TBX18: variants seen among roughly 807,000 people sequenced by gnomAD.
The protein encoded by TBX18 is T-box transcription factor 18.
Under a neutral mutation model 55.0 loss-of-function variants are expected in TBX18, and 21 were observed. The observed-to-expected ratio is 0.38, with a 90% CI of 0.27 to 0.55. The LOEUF (loss-of-function observed/expected upper bound fraction) is 0.55. Among genes scored for constraint, TBX18 ranks in the 20% least tolerant of loss-of-function variants. TBX18 has a pLI of 0.73. For synonymous variants in TBX18, 342 were observed against 326.1 expected (o/e 1.05, Z -0.53); for missense variants, 840 against 799.6 (o/e 1.05, Z -0.61).
At position 84,742,539 on chromosome 6, in the gene TBX18, T is replaced by G. The variant is rs550534271; in HGVS notation, c.1004+1722A>C. The stretch of plus-strand genomic sequence containing the variant: ...CATCTCACTTCTTGTAGAGGTTTCT[T>G]CACTATTATCTGTTCAAAATACAAA... On this transcript the variant is annotated intron_variant, in intron 6 of 7. Coordinates refer to ENST00000369663, the MANE Select transcript of TBX18 (RefSeq NM_001080508.3). The G allele has an allele frequency of 2.0e-5, 3 of 152,284 alleles. No homozygotes were observed. The East Asian group carries it at 5.8e-4, about 29-fold the overall frequency. 9.4% of individuals were successfully genotyped at this position (152,284 alleles called of 1,614,324 possible). A position where few individuals can be genotyped will look rare whatever the true frequency, so the allele number is the denominator to read the frequency against.
intron 6 of TBX18, chr6:84,741,620 T>C (rs1767050785): frequency 1.3e-5 from 2 of 152,206 alleles, no homozygotes; most frequent in South Asian, 2.1e-4. Flanking sequence ...CACAAGTCTA[T>C]GTTTATTTCT....
chr6:84,763,958 A>G lies in TBX18; in HGVS notation c.224T>C (p.Leu75Pro), dbSNP rs1767738863. The G allele has an allele frequency of 6.3e-7, 1 of 1,579,196 alleles. No homozygotes were observed. Among genetic ancestry groups the G allele is most frequent in the East Asian group, 2.3e-5 (1 of 43,034 alleles). ...AGACGTCGCCCCAGCCGGCGGCGGG[A>G]GCGCAGCGCCTTCGTCTCCCTCAGA... ...GSSEGDEGAA[L>P]PPPAGATSGP... is the part of the protein sequence containing the mutation. The change falls in exon 1 of 8, where the codon CTC becomes CCC. Residue 75 changes from leucine (L) to proline (P), a missense_variant. By Grantham distance (98) the Leu-to-Pro change is moderately conservative. Transcript: ENST00000369663.
At chr6:84,738,145 A>G (rs1401083918) in intron 7 of TBX18, among the ~76,000 whole-genome samples, 1 of 152,178 alleles carries the variant, frequency 6.6e-6, no homozygotes, top group Non-Finnish European at 1.5e-5. Context: ...TCTGCTGAAG[A>G]AAGAAAACAA....
intron 5 of TBX18, among the ~76,000 whole-genome samples, chr6:84,747,578 C>A (rs902892881): frequency 6.6e-6 from 1 of 152,104 alleles, no homozygotes; most frequent in Non-Finnish European, 1.5e-5. Flanking sequence ...GCTATCAAGT[C>A]CCATGCTCTA....
Position 84,764,274 on chromosome 6 carries a change from C to T in TBX18, c.-93G>A, listed in dbSNP as rs1442128716. The T allele has an allele frequency of 1.6e-5, 22 of 1,353,266 alleles. No homozygotes were observed. The highest frequency in any genetic ancestry group is 2.1e-5 in the Non-Finnish European group (22 of 1,056,078). The allele number at this position is 1,353,266 out of a possible 1,614,324, so 83.8% of individuals were successfully genotyped here. A position where few individuals can be genotyped will look rare whatever the true frequency, so the allele number is the denominator to read the frequency against. On this transcript the variant is annotated 5_prime_UTR_variant, in exon 1 of 8. Transcript: ENST00000369663. ...TCTTCCCCCACCAAAAACTAAAAGG[C>T]TCTCGGGGCCTCCCGAGATCTGCCC... is the stretch of plus-strand genomic sequence containing the variant.
At chr6:84,758,121 C>T (rs1767544185) in intron 3 of TBX18, among the ~76,000 whole-genome samples, 1 of 151,960 alleles carries the variant, frequency 6.6e-6, no homozygotes, top group South Asian at 2.1e-4. Context: ...AGAAATCTTC[C>T]TTTAGGCCAG....
intron 4 of TBX18, among the ~76,000 whole-genome samples, chr6:84,748,584 A>G (rs942198568): frequency 1.3e-5 from 2 of 152,206 alleles, no homozygotes; most frequent in Non-Finnish European, 2.9e-5. Context: ...AGGACACTCC[A>G]GCATCTGTTT....
At chr6:84,756,085 C>T (rs1017810770) in intron 4 of TBX18, among the ~76,000 whole-genome samples, 1 of 152,142 alleles carries the variant, frequency 6.6e-6, no homozygotes, top group Non-Finnish European at 1.5e-5. Context: ...GTGTAGAAAT[C>T]TTGCCTGGGA....
intron 3 of TBX18, among the ~76,000 whole-genome samples, chr6:84,757,822 G>GA: frequency 6.6e-6 from 1 of 151,764 alleles, no homozygotes; most frequent in African/African-American, 2.4e-5. Context: ...TAACAATGAA[G>GA]AAAAAATTAT....
intron 5 of TBX18, 42 bp downstream of exon 5, chr6:84,747,876 CTG>C: frequency 6.4e-7 from 1 of 1,566,258 alleles, no homozygotes; most frequent in Admixed American, 1.8e-5. Flanking sequence ...CTCTCTTCAC[CTG>C]AAATGAAAAA....
At chr6:84,739,128 T>C (rs560640553) in intron 6 of TBX18, among the ~76,000 whole-genome samples, 11 of 152,106 alleles carry the variant, frequency 7.2e-5, no homozygotes, top group Admixed American at 5.2e-4. Context: ...CAATCTCTAC[T>C]ACACCCAGTG....
chr6:84,739,747 AC>A (rs1267617465), intron 6 of TBX18, among the ~76,000 whole-genome samples: 1 of 152,162 alleles, frequency 6.6e-6, no homozygotes, highest in African/African-American at 2.4e-5. Flanking sequence ...AGAGGAATCC[AC>A]CCCAGAGAGT....
At chr6:84,762,474 G>T in intron 2 of TBX18, 70 bp downstream of exon 2, 1 of 1,566,744 alleles carries the variant, frequency 6.4e-7, no homozygotes, top group Non-Finnish European at 8.8e-7. Flanking sequence ...CCTTCTTCCT[G>T]ATTGAGCTAG....
Position 84,760,247 on chromosome 6 carries a change from C to T in TBX18, c.599+8G>A, listed in dbSNP as rs372223228. 2.6e-6 allele frequency: 4 copies of T among 1,529,980 alleles called. No individual in the cohort carries two copies. The highest frequency in any genetic ancestry group is 2.8e-5 in the African/African-American group (2 of 72,472). 94.8% of individuals were successfully genotyped at this position (1,529,980 alleles called of 1,614,324 possible). A position where few individuals can be genotyped will look rare whatever the true frequency, so the allele number is the denominator to read the frequency against. On this transcript the variant is annotated splice_region_variant and intron_variant, in intron 3 of 7. Coordinates refer to ENST00000369663, the MANE Select transcript of TBX18 (RefSeq NM_001080508.3). ...TTTTTTTAATTGTTCAGTATCTAAT[C>T]ACTGTACCTGTATCTTTTGTTGTCC...
chr6:84,756,676 A>G (rs537126510), intron 4 of TBX18, 22 bp downstream of exon 4: 5 of 1,611,274 alleles, frequency 3.1e-6, no homozygotes, highest in Non-Finnish European at 4.2e-6. Flanking sequence ...CTACAGATGC[A>G]TTAGAGAGGC....
At chr6:84,751,828 T>C (rs544680739) in intron 4 of TBX18, among the ~76,000 whole-genome samples, 1 of 152,334 alleles carries the variant, frequency 6.6e-6, no homozygotes, top group East Asian at 1.9e-4. Flanking sequence ...CTTTTGGAAT[T>C]GGGGGCTCTG....
rs1773896579 is a variant in TBX18 at position 84,734,832 on chromosome 6, T to C, written c.*1853A>G. ...ATTCTTAACACCTTTCCCCAAATCT[T>C]TGTCAAGCTATTAATGCCATACCCA... On this transcript the variant is annotated 3_prime_UTR_variant, in exon 8 of 8. Transcript: ENST00000369663. The C allele has an allele frequency of 6.6e-6, 1 of 152,186 alleles. No homozygotes were observed. The highest frequency in any genetic ancestry group is 2.4e-5 in the African/African-American group (1 of 41,436). The allele number at this position is 152,186 out of a possible 1,614,324, so 9.4% of individuals were successfully genotyped here.
intron 2 of TBX18, among the ~76,000 whole-genome samples, chr6:84,760,686 T>C (rs1056808327): frequency 5.3e-5 from 8 of 152,208 alleles, no homozygotes; most frequent in Admixed American, 4.6e-4. Flanking sequence ...ATATTTACTT[T>C]AGTAATACAA....
rs911107473 is a variant in TBX18 at position 84,757,014 on chromosome 6, G to A, written c.600-145C>T. 63 of 874,442 alleles carry A rather than the reference G, an allele frequency of 7.2e-5. 1 individual carries two copies. The South Asian group carries it at 8.4e-4, about 12-fold the overall frequency. 54.2% of individuals were successfully genotyped at this position (874,442 alleles called of 1,614,324 possible). Reference sequence around the variant, plus strand: ...TTACACTAAAAATAAAATTTCAAGCGCTTTTCCAAACCACTCTGAGGCAGC... The same window carrying A: ...TTACACTAAAAATAAAATTTCAAGCACTTTTCCAAACCACTCTGAGGCAGC... On this transcript the variant is annotated intron_variant, in intron 3 of 7. Transcript: ENST00000369663.
Sources: allele counts gnomAD v4.1 joint callset (sites outside exome capture counted in the v4.1 genomes callset), GRCh38; gene constraint gnomAD v4.1.1; transcripts MANE v1.5; gene names NCBI Gene and HGNC (gene_info 2026-07-23, HGNC 2026-07-21).